MGMT: variants seen among roughly 807,000 people sequenced by gnomAD.
MGMT encodes methylated-DNA--protein-cysteine methyltransferase.
Under a neutral mutation model 15.9 loss-of-function variants are expected in MGMT, and 14 were observed. The ratio of observed to expected loss-of-function variants is 0.88; its 90% CI spans 0.58 to 1.37. MGMT has a LOEUF of 1.37. Ranked by LOEUF, MGMT falls within the 40% of genes most tolerant of loss-of-function variation. The pLI, the probability that MGMT is intolerant of heterozygous loss-of-function variation, is 0.00. For synonymous variants in MGMT, 130 were observed against 118.2 expected (o/e 1.10, Z -0.65); for missense variants, 282 against 268.1 (o/e 1.05, Z -0.36).
In MGMT at chr10:129,770,879, G is replaced by C. The variant is rs967397448; in HGVS notation, c.*3882G>C. ...GAAACAGTCCAAGGCCCTGGGGTGG[G>C]GGATTTAAATTTTTGGCTTCCCTCA... On this transcript the variant is annotated 3_prime_UTR_variant, in exon 5 of 5. Coordinates refer to ENST00000651593, the MANE Select transcript of MGMT (RefSeq NM_002412.5). Among the ~76,000 whole-genome samples the C allele has an allele frequency of 3.5e-3, 101 of 28,838 alleles. 1 individual carries two copies. The highest frequency in any genetic ancestry group is 0.027 in the Middle Eastern group (2 of 74). The allele number at this position is 28,838 out of a possible 152,430, so 18.9% of individuals were successfully genotyped here.
At chr10:129,580,193 G>C (rs887517524) in intron 2 of MGMT, among the ~76,000 whole-genome samples, 175 of 152,304 alleles carry the variant, frequency 1.1e-3, no homozygotes, top group Non-Finnish European at 6.2e-4. Context: ...AGGTGGCATC[G>C]TGGGAGAAGC....
intron 2 of MGMT, among the ~76,000 whole-genome samples, chr10:129,629,794 G>A (rs549466763): frequency 6.6e-6 from 1 of 152,306 alleles, no homozygotes; most frequent in East Asian, 1.9e-4. Flanking sequence ...ATGGGACATA[G>A]GGAAGGTATG....
intron 2 of MGMT, among the ~76,000 whole-genome samples, chr10:129,538,338 A>G (rs1272200688): frequency 6.6e-6 from 1 of 152,174 alleles, no homozygotes; most frequent in Non-Finnish European, 1.5e-5. Flanking sequence ...TCCAGAGTAA[A>G]TTCCTGAGTG....
At chr10:129,650,599 A>G (rs896191603) in intron 2 of MGMT, among the ~76,000 whole-genome samples, 1 of 152,188 alleles carries the variant, frequency 6.6e-6, no homozygotes, top group Non-Finnish European at 1.5e-5. Flanking sequence ...CTCTTACTGA[A>G]CATGAAATGT....
chr10:129,687,794 C>G (rs900933392), intron 2 of MGMT, among the ~76,000 whole-genome samples: 3 of 151,812 alleles, frequency 2.0e-5, no homozygotes, highest in African/African-American at 4.8e-5. Context: ...GTGTGCTGCA[C>G]CCATTAACTC....
At chr10:129,694,408 CT>C (rs1215216418) in intron 2 of MGMT, 1 of 152,220 alleles carries the variant, frequency 6.6e-6, no homozygotes, top group East Asian at 1.9e-4. Flanking sequence ...AGGCATGGAG[CT>C]TACGGTCCAC....
At chr10:129,585,544 T>C (rs2133049946) in intron 2 of MGMT, among the ~76,000 whole-genome samples, 1 of 152,324 alleles carries the variant, frequency 6.6e-6, no homozygotes, top group African/African-American at 2.4e-5. Context: ...ACTATTCTTA[T>C]ATAGCCCAGA....
chr10:129,646,754 A>ATATATTTTTTTTTTGTT, intron 2 of MGMT, among the ~76,000 whole-genome samples: 1 of 86,674 alleles, frequency 1.2e-5, no homozygotes, highest in African/African-American at 3.9e-5. Context: ...ATATATATAT[A>ATATATTTTTTTTTTGTT]TTTTCAGGGA....
At chr10:129,578,177 TA>T (rs1464166324) in intron 2 of MGMT, among the ~76,000 whole-genome samples, 3 of 152,204 alleles carry the variant, frequency 2.0e-5, no homozygotes, top group Admixed American at 2.0e-4. Flanking sequence ...GCCATCCTAT[TA>T]CTGAGTATAT....
intron 2 of MGMT, among the ~76,000 whole-genome samples, chr10:129,677,156 C>T (rs937087744): frequency 2.3e-5 from 3 of 130,374 alleles, no homozygotes; most frequent in Non-Finnish European, 4.7e-5. Flanking sequence ...AGTTGATTTA[C>T]ATGAAACACA....
At chr10:129,537,017 A>G (rs778586426) in intron 2 of MGMT, 11 of 152,282 alleles carry the variant, frequency 7.2e-5, no homozygotes, top group Admixed American at 2.6e-4. Context: ...AACAGCTCCC[A>G]CTATATTTCT....
chr10:129,648,612 T>A (rs573067768), intron 2 of MGMT, among the ~76,000 whole-genome samples: 2 of 152,216 alleles, frequency 1.3e-5, no homozygotes, highest in African/African-American at 4.8e-5. Flanking sequence ...TAACATTGAT[T>A]TCTAAAAGAA....
chr10:129,568,861 A>G (rs1050592418), intron 2 of MGMT, among the ~76,000 whole-genome samples: 6 of 152,044 alleles, frequency 3.9e-5, no homozygotes, highest in Non-Finnish European at 5.9e-5. Context: ...AGCTCTGGCC[A>G]GTCCTCTCCT....
rs1554911325 is a variant in MGMT, at chr10:129,560,989, G to GTGTGTGTGCGTGTGCA, written c.125+24620_125+24621insCGTGTGCATGTGTGTG. 5.1e-3 allele frequency among the ~76,000 whole-genome samples: 760 copies of GTGTGTGTGCGTGTGCA among 149,886 alleles called. 6 individuals are homozygous for GTGTGTGTGCGTGTGCA. The highest frequency in any genetic ancestry group is 7.7e-3 in the Non-Finnish European group (519 of 67,444). On this transcript the variant is annotated intron_variant, in intron 2 of 4. Coordinates refer to ENST00000651593, the MANE Select transcript of MGMT (RefSeq NM_002412.5). ...TGTGTGTGTGTGTGTGTGTGTGTGT[G>GTGTGTGTGCGTGTGCA]TGTGTGTGTTCCTTTCCCAGCCAGC...
At chr10:129,749,565 A>G (rs929168821) in intron 3 of MGMT, among the ~76,000 whole-genome samples, 1 of 152,192 alleles carries the variant, frequency 6.6e-6, no homozygotes, top group African/African-American at 2.4e-5. Flanking sequence ...GGCAGTGTTA[A>G]TAAAGCTGCT....
At chr10:129,753,000 T>G (rs1439888252) in intron 3 of MGMT, among the ~76,000 whole-genome samples, 3 of 152,200 alleles carry the variant, frequency 2.0e-5, no homozygotes, top group Admixed American at 6.5e-5. Context: ...ATTCTAAAGA[T>G]CAGATCTACT....
At chr10:129,549,123 C>T (rs999962122) in intron 2 of MGMT, among the ~76,000 whole-genome samples, 1 of 152,176 alleles carries the variant, frequency 6.6e-6, no homozygotes, top group African/African-American at 2.4e-5. Flanking sequence ...CTCCTTGGTG[C>T]CTGTTGGAGA....
intron 2 of MGMT, among the ~76,000 whole-genome samples, chr10:129,654,112 C>A (rs1418437836): frequency 6.6e-6 from 1 of 152,174 alleles, no homozygotes; most frequent in African/African-American, 2.4e-5. Flanking sequence ...TCGGTGGCTG[C>A]CTCGCCGACC....
intron 2 of MGMT, among the ~76,000 whole-genome samples, chr10:129,543,230 C>A (rs180982610): frequency 6.6e-5 from 10 of 152,230 alleles, no homozygotes; most frequent in Admixed American, 3.3e-4. Flanking sequence ...TAAAGGGAAG[C>A]AGCATAACAT....
Sources: allele counts gnomAD v4.1 joint callset (sites outside exome capture counted in the v4.1 genomes callset), GRCh38; gene constraint gnomAD v4.1.1; transcripts MANE v1.5; gene names NCBI Gene and HGNC (gene_info 2026-07-23, HGNC 2026-07-21).